Variants in NBPF3 observed in about 807,000 individuals in gnomAD.
NBPF3 encodes the protein NBPF family member NBPF3.
In NBPF3, 57 loss-of-function variants were observed where a neutral mutation model predicts 78.1. The observed-to-expected ratio is 0.73, with a 90% CI of 0.59 to 0.91. The LOEUF (loss-of-function observed/expected upper bound fraction) is 0.91. NBPF3 is among the 40% of genes least tolerant of loss of function. The pLI is 0.00. For synonymous variants in NBPF3, 182 were observed against 271.7 expected, an observed-to-expected ratio of 0.67 and a Z score of 3.25; for missense variants, 510 against 715.3, an observed-to-expected ratio of 0.71 and a Z score of 3.27.
At chr1:21,443,879 G>A (rs969948689) in intron 1 of NBPF3, among the ~76,000 whole-genome samples, 13 of 152,054 alleles carry the variant, frequency 8.5e-5, no homozygotes, top group Admixed American at 3.9e-4. Context: ...CCAAAGTGTT[G>A]GGATTACAAG....
chr1:21,440,017 G>T (rs1640523457), upstream of NBPF3: 1 of 152,314 alleles, frequency 6.6e-6, no homozygotes, highest in Non-Finnish European at 1.5e-5. Flanking sequence ...AACCTGTTGT[G>T]CAGTAGAGGC....
At chr1:21,444,157 A>G (rs1640827108) in intron 1 of NBPF3, among the ~76,000 whole-genome samples, 1 of 152,182 alleles carries the variant, frequency 6.6e-6, no homozygotes, top group Non-Finnish European at 1.5e-5. Flanking sequence ...AAAAGAATGA[A>G]TGAATGAACA....
chr1:21,475,699 G>A (rs1451750336), intron 8 of NBPF3, among the ~76,000 whole-genome samples: 2 of 152,114 alleles, frequency 1.3e-5, no homozygotes, highest in African/African-American at 4.8e-5. Flanking sequence ...CCAACTATGT[G>A]GTCAATTTTG....
chr1:21,478,920 A>C (rs1320653948), intron 9 of NBPF3, among the ~76,000 whole-genome samples: 1 of 152,194 alleles, frequency 6.6e-6, no homozygotes, highest in African/African-American at 2.4e-5. Flanking sequence ...ACCAAGTGTC[A>C]CTTTGACTCA....
Position 21,476,187 on chromosome 1 carries a change from C to T in NBPF3, c.992+1236C>T, listed in dbSNP as rs1642879094. On this transcript the variant is annotated intron_variant, in intron 8 of 14. Coordinates refer to ENST00000318249, the MANE Select transcript of NBPF3 (RefSeq NM_032264.6). This position sits in a 1 kb window ranked among gnomAD's most constrained non-coding sequence, Gnocchi z 4.1. ...GTGTCTCTGCACGTGAGATGGGTCTCCTGCGTACAGCACACTGATGGGTCT... is the reference window on the plus strand; with the variant it reads ...GTGTCTCTGCACGTGAGATGGGTCTTCTGCGTACAGCACACTGATGGGTCT... 1.3e-5 allele frequency among the ~76,000 whole-genome samples: 2 copies of T among 152,118 alleles called. No homozygotes were observed.
intron 2 of NBPF3, among the ~76,000 whole-genome samples, chr1:21,464,617 C>A (rs1361391926): frequency 2.0e-5 from 3 of 151,486 alleles, no homozygotes; most frequent in Non-Finnish European, 4.4e-5. Flanking sequence ...TGTATAAATT[C>A]TACTGTAGAA....
upstream of NBPF3, among the ~76,000 whole-genome samples, chr1:21,439,293 A>ATTT (rs1326825870): frequency 2.0e-5 from 3 of 152,156 alleles, no homozygotes. Flanking sequence ...GTTCTAGACC[A>ATTT]GCCTTGCCAA....
chr1:21,462,784 C>T (rs1642023730), intron 2 of NBPF3, among the ~76,000 whole-genome samples: 1 of 152,178 alleles, frequency 6.6e-6, no homozygotes, highest in Non-Finnish European at 1.5e-5. Context: ...TTATTCCTCT[C>T]CTCACTAGTT....
intron 2 of NBPF3, among the ~76,000 whole-genome samples, chr1:21,456,578 A>G (rs924652299): frequency 1.1e-4 from 16 of 152,336 alleles, no homozygotes; most frequent in Admixed American, 9.2e-4. Flanking sequence ...GTTATATATT[A>G]TCAGGGCAAA....
chr1:21,441,706 C>CAAA (rs772118033), intron 1 of NBPF3, among the ~76,000 whole-genome samples: 16 of 76,932 alleles, frequency 2.1e-4, no homozygotes, highest in African/African-American at 6.5e-4. Context: ...GAGCCTATCT[C>CAAA]AAAAAAAAAA....
intron 8 of NBPF3, among the ~76,000 whole-genome samples, chr1:21,477,676 C>T (rs1361872516): frequency 6.6e-6 from 1 of 151,956 alleles, no homozygotes; most frequent in Non-Finnish European, 1.5e-5. Context: ...AGTGTGTTTG[C>T]TAGTATTTGT....
At chr1:21,462,992 A>G (rs1312534347) in intron 2 of NBPF3, among the ~76,000 whole-genome samples, 1 of 152,258 alleles carries the variant, frequency 6.6e-6, no homozygotes, top group East Asian at 1.9e-4. Context: ...ACAACAATTG[A>G]CAAAGAATAG....
In NBPF3 at chr1:21,480,167, G is replaced by GAAAAA. The variant is rs1643134513; in HGVS notation, c.1327_1328insAAAAA (p.Ser443LysfsTer22). 1.6e-6 allele frequency: 2 copies of GAAAAA among 1,215,962 alleles called. No individual in the cohort carries two copies. Among genetic ancestry groups the GAAAAA allele is most frequent in the Non-Finnish European group, 2.3e-6 (2 of 857,698 alleles). 75.3% of individuals were successfully genotyped at this position (1,215,962 alleles called of 1,614,324 possible). A position where few individuals can be genotyped will look rare whatever the true frequency, so the allele number is the denominator to read the frequency against. On this transcript the variant is annotated frameshift_variant, in exon 11 of 15. Coordinates refer to ENST00000318249, the MANE Select transcript of NBPF3 (RefSeq NM_032264.6). LOFTEE classifies it high-confidence loss of function. ...CTGCCTGACTTATGCCAGCCCTACAGAAGTGACTTTTACTCATTGCAGGAA... is the reference window on the plus strand; with the variant it reads ...CTGCCTGACTTATGCCAGCCCTACAGAAAAAAAGTGACTTTTACTCATTGCAGGAA...
chr1:21,479,521 C>T, intron 10 of NBPF3, 121 bp downstream of exon 10: 1 of 879,190 alleles, frequency 1.1e-6, no homozygotes, highest in Non-Finnish European at 1.9e-6. Flanking sequence ...TGAATTATGT[C>T]TACTAACATT....
intron 2 of NBPF3, among the ~76,000 whole-genome samples, chr1:21,467,530 TAG>T (rs1457053579): frequency 6.6e-6 from 1 of 152,204 alleles, no homozygotes; most frequent in Admixed American, 6.5e-5. Context: ...CATGTTCTGT[TAG>T]TGGAATGAAA....
intron 2 of NBPF3, among the ~76,000 whole-genome samples, chr1:21,458,678 G>A (rs1470266569): frequency 6.6e-6 from 1 of 152,096 alleles, no homozygotes; most frequent in Non-Finnish European, 1.5e-5. Context: ...AAAAGAATAC[G>A]GGTACAATTT....
intron 9 of NBPF3, 89 bp downstream of exon 9, chr1:21,478,396 T>A: frequency 7.1e-7 from 1 of 1,414,768 alleles, no homozygotes; most frequent in Non-Finnish European, 1.0e-6. Flanking sequence ...CTGGTTGGGC[T>A]GAGAGTTGCC....
intron 2 of NBPF3, chr1:21,451,832 G>C (rs1269099179): frequency 2.4e-6 from 1 of 420,572 alleles, no homozygotes; most frequent in Non-Finnish European, 3.3e-6. Context: ...ATCTTGGTAA[G>C]ATTTACTAGT....
At chr1:21,448,810 T>C (rs1406379115) in intron 2 of NBPF3, among the ~76,000 whole-genome samples, 1 of 152,230 alleles carries the variant, frequency 6.6e-6, no homozygotes, top group African/African-American at 2.4e-5. Context: ...CCTGTCTTTC[T>C]CATTTTTAGG....
Sources: allele counts gnomAD v4.1 joint callset (sites outside exome capture counted in the v4.1 genomes callset), GRCh38; gene constraint gnomAD v4.1.1; non-coding constraint Gnocchi (gnomAD v3.1); transcripts MANE v1.5; gene names NCBI Gene and HGNC (gene_info 2026-07-23, HGNC 2026-07-21).